Variants in TTC29 observed in about 807,000 individuals in gnomAD.
TTC29 encodes the protein tetratricopeptide repeat protein 29.
A neutral mutation model predicts 58.1 loss-of-function variants in TTC29; 49 were observed. The observed-to-expected ratio is 0.84, with a 90% CI of 0.67 to 1.07. The LOEUF is 1.07. Ranked by LOEUF, TTC29 falls within the 50% of genes least tolerant of loss-of-function variation. The probability of loss-of-function intolerance (pLI) is 0.00; values close to 1 mark genes in which losing one functional copy is unlikely to be tolerated. For missense variants in TTC29, 582 were observed against 555.6 expected (o/e 1.05, Z -0.48); for synonymous variants, 209 against 196.8 (o/e 1.06, Z -0.52).
In TTC29 at chr4:146,848,636, T is replaced by C. The variant is rs377483319; in HGVS notation, c.886-14739A>G. Among the ~76,000 whole-genome samples, 33 of 152,358 alleles carry C rather than the reference T, an allele frequency of 2.2e-4. No individual in the cohort carries two copies. The East Asian group carries it at 4.6e-3, about 21-fold the overall frequency. On this transcript the variant is annotated intron_variant, in intron 8 of 12. Transcript: ENST00000325106. ...TTCTTATAGTAAGCTTTAGGTTTTA[T>C]AGCAGGAACTGTTATATTTGGTGCT...
At chr4:146,714,585 A>T (rs1329247326) in intron 11 of TTC29, among the ~76,000 whole-genome samples, 1 of 151,814 alleles carries the variant, frequency 6.6e-6, no homozygotes, top group Non-Finnish European at 1.5e-5. Context: ...AGAAACTTAA[A>T]GTACGAAAAG....
intron 6 of TTC29, among the ~76,000 whole-genome samples, chr4:146,902,811 T>C (rs1284997141): frequency 6.6e-6 from 1 of 152,214 alleles, no homozygotes; most frequent in African/African-American, 2.4e-5. Context: ...TCCTATGCAG[T>C]CCTAGTCACA....
At chr4:146,907,407 T>C (rs1733591658) in intron 5 of TTC29, among the ~76,000 whole-genome samples, 1 of 152,156 alleles carries the variant, frequency 6.6e-6, no homozygotes, top group Non-Finnish European at 1.5e-5. Flanking sequence ...ATAAAACAGC[T>C]AATGAGCAAA....
chr4:146,740,428 T>A (rs201956580), intron 11 of TTC29, among the ~76,000 whole-genome samples: 80 of 152,264 alleles, frequency 5.3e-4, no homozygotes, highest in South Asian at 8.3e-4. Context: ...ATCTTTTTTT[T>A]AAAATTTATT....
chr4:146,844,601 G>C (rs1011988127), intron 8 of TTC29, among the ~76,000 whole-genome samples: 1 of 151,852 alleles, frequency 6.6e-6, no homozygotes, highest in East Asian at 1.9e-4. Flanking sequence ...CGCTGGTCTT[G>C]AACTCCTGGG....
intron 5 of TTC29, 81 bp from the exon 6 acceptor site, chr4:146,903,810 T>C: frequency 9.7e-7 from 1 of 1,026,752 alleles, no homozygotes; most frequent in Non-Finnish European, 1.3e-6. Flanking sequence ...ACCAATATCA[T>C]GACTTCCTAT....
chr4:146,886,569 A>T (rs990599714), intron 6 of TTC29, among the ~76,000 whole-genome samples: 1 of 152,190 alleles, frequency 6.6e-6, no homozygotes, highest in Non-Finnish European at 1.5e-5. Context: ...AGGGCTGAGG[A>T]GAGAAGGCCT....
At chr4:146,939,764 T>G in intron 3 of TTC29, 40 bp downstream of exon 3, 3 of 1,514,658 alleles carry the variant, frequency 2.0e-6, no homozygotes, top group Non-Finnish European at 2.7e-6. Context: ...TACAGAAAAT[T>G]CCTTCTGTAG....
rs534695379 is a variant in TTC29, at chr4:146,798,150, G to A, written c.1330+5307C>T. 5.9e-5 allele frequency among the ~76,000 whole-genome samples: 9 copies of A among 152,054 alleles called. No homozygotes were observed. In the East Asian group the frequency reaches 1.5e-3, roughly 26 times the overall value. On this transcript the variant is annotated intron_variant, in intron 11 of 12. Coordinates refer to ENST00000325106, the MANE Select transcript of TTC29 (RefSeq NM_031956.4). The stretch of plus-strand genomic sequence containing the variant: ...TACCTACTTGAACATATGGACTATA[G>A]GATATAGGAGTGGCATCAGATTTAG...
At chr4:146,893,601 A>G (rs1328313397) in intron 6 of TTC29, among the ~76,000 whole-genome samples, 1 of 152,214 alleles carries the variant, frequency 6.6e-6, no homozygotes, top group Non-Finnish European at 1.5e-5. Context: ...CCTAGGCAAT[A>G]CCATTCAGGA....
intron 11 of TTC29, among the ~76,000 whole-genome samples, chr4:146,736,616 G>A (rs1371482703): frequency 6.6e-6 from 1 of 152,110 alleles, no homozygotes; most frequent in Non-Finnish European, 1.5e-5. Flanking sequence ...TCCCAGCAAC[G>A]ACTACTGAGA....
At chr4:146,737,570 G>A (rs1335959317) in intron 11 of TTC29, among the ~76,000 whole-genome samples, 1 of 139,744 alleles carries the variant, frequency 7.2e-6, no homozygotes, top group Non-Finnish European at 1.5e-5. Flanking sequence ...TCTGGCAAGT[G>A]AGGCTGATGC....
At chr4:146,858,472 T>G (rs918275198) in intron 8 of TTC29, among the ~76,000 whole-genome samples, 2 of 152,182 alleles carry the variant, frequency 1.3e-5, no homozygotes, top group Non-Finnish European at 2.9e-5. Flanking sequence ...GTACATCAAC[T>G]TCTCCTTCCA....
chr4:146,800,585 T>C (rs974273357), intron 11 of TTC29, among the ~76,000 whole-genome samples: 11 of 152,214 alleles, frequency 7.2e-5, no homozygotes, highest in Non-Finnish European at 1.6e-4. Flanking sequence ...GTGAGTGTCA[T>C]CCTTCATTCA....
rs76715876 is a variant in TTC29, at chr4:146,937,593, C to T, written c.176+1G>A. ...AAAGTACCTTTAAAGGTTGTACTTA[C>T]GCAGCAACTTCCTCTTTTGATAATC... On this transcript the variant is annotated splice_donor_variant, in intron 4 of 12. Transcript: ENST00000325106. LOFTEE classifies it high-confidence loss of function. 330 of 1,510,164 alleles carry T rather than the reference C, an allele frequency of 2.2e-4. No homozygotes were observed. In the African/African-American group the frequency reaches 3.0e-3, roughly 14 times the overall value. The allele number at this position is 1,510,164 out of a possible 1,614,324, so 93.5% of individuals were successfully genotyped here. A position where few individuals can be genotyped will look rare whatever the true frequency, so the allele number is the denominator to read the frequency against.
At chr4:146,819,154 A>T (rs1751648584) in intron 10 of TTC29, among the ~76,000 whole-genome samples, 1 of 151,408 alleles carries the variant, frequency 6.6e-6, no homozygotes, top group African/African-American at 2.4e-5. Flanking sequence ...TAAAAAAATA[A>T]AAAAAAGATA....
At chr4:146,715,977 G>A (rs1742901383) in intron 11 of TTC29, among the ~76,000 whole-genome samples, 1 of 152,092 alleles carries the variant, frequency 6.6e-6, no homozygotes, top group African/African-American at 2.4e-5. Context: ...AAGGTAGGTT[G>A]TGAAAAGTTA....
intron 4 of TTC29, among the ~76,000 whole-genome samples, chr4:146,935,833 A>G (rs1355747208): frequency 6.6e-6 from 1 of 152,236 alleles, no homozygotes; most frequent in African/African-American, 2.4e-5. Context: ...GAATGGCTAT[A>G]AAGAGTTTGA....
At chr4:146,732,421 T>C (rs1010859041) in intron 11 of TTC29, among the ~76,000 whole-genome samples, 1 of 152,150 alleles carries the variant, frequency 6.6e-6, no homozygotes, top group Non-Finnish European at 1.5e-5. Flanking sequence ...GACAGAAATA[T>C]GGGCATAAGG....
Sources: gnomAD v4.1 joint callset for allele counts (sites outside exome capture counted in the v4.1 genomes callset) on GRCh38, gnomAD v4.1.1 for gene constraint, MANE v1.5 for transcripts, NCBI Gene and HGNC (gene_info 2026-07-23, HGNC 2026-07-21) for gene names.